The following MSI2 variants were observed in gnomAD, a reference collection of about 807,000 sequenced individuals.
MSI2 encodes musashi RNA binding protein 2, also known as RNA-binding protein Musashi homolog 2.
Under a neutral mutation model 45.6 loss-of-function variants are expected in MSI2, and 17 were observed. That is an observed-to-expected ratio of 0.37 (90% CI 0.26 to 0.56). The LOEUF (loss-of-function observed/expected upper bound fraction) is 0.56. MSI2 is among the 20% of genes least tolerant of loss of function. MSI2 has a pLI of 0.77. For synonymous variants in MSI2, 156 were observed against 158.2 expected, an observed-to-expected ratio of 0.99 and a Z score of 0.11; for missense variants, 293 against 444.2, an observed-to-expected ratio of 0.66 and a Z score of 3.06.
chr17:57,445,735 T>C lies in MSI2; in HGVS notation c.405+44264T>C, dbSNP rs1188231674. ...CATATATTAACATGCAACTAGTTTT[T>C]GTGAATTCATACCGAGTACTTACCA... is the stretch of plus-strand genomic sequence containing the variant. On this transcript the variant is annotated intron_variant, in intron 6 of 13. Coordinates refer to ENST00000284073, the MANE Select transcript of MSI2 (RefSeq NM_138962.4). Among the ~76,000 whole-genome samples, 3 of 152,170 alleles carry C rather than the reference T, an allele frequency of 2.0e-5. No homozygotes were observed. The East Asian group carries it at 5.8e-4, about 29-fold the overall frequency.
At chr17:57,315,678 A>C (rs1255958335) in intron 5 of MSI2, among the ~76,000 whole-genome samples, 1 of 152,132 alleles carries the variant, frequency 6.6e-6, no homozygotes. Flanking sequence ...ACAAACCCGA[A>C]CACCCAAACA....
intron 6 of MSI2, among the ~76,000 whole-genome samples, chr17:57,401,850 C>T (rs2083997902): frequency 6.6e-6 from 1 of 152,134 alleles, no homozygotes; most frequent in Admixed American, 6.5e-5. Flanking sequence ...CTGGGCTTCT[C>T]CCTTCTGTGC....
chr17:57,567,047 G>A (rs914359137), intron 7 of MSI2, among the ~76,000 whole-genome samples: 14 of 152,212 alleles, frequency 9.2e-5, no homozygotes, highest in African/African-American at 3.1e-4. Flanking sequence ...AGCTTGGGAG[G>A]TTTGGGGGAC....
intron 6 of MSI2, among the ~76,000 whole-genome samples, chr17:57,464,136 A>C (rs570935236): frequency 6.6e-6 from 1 of 152,092 alleles, no homozygotes; most frequent in Admixed American, 6.6e-5. Flanking sequence ...GAAGGAAAGA[A>C]GTGACCTGGA....
chr17:57,279,191 A>T (rs889128240), intron 5 of MSI2: 1 of 152,162 alleles, frequency 6.6e-6, no homozygotes, highest in African/African-American at 2.4e-5. Context: ...CCCAGAGGAG[A>T]CAGAATCAGA....
Position 57,627,211 on chromosome 17 carries a change from T to C in MSI2, c.653-18T>C, listed in dbSNP as rs372807660. On this transcript the variant is annotated intron_variant, in intron 9 of 13. Coordinates refer to ENST00000284073, the MANE Select transcript of MSI2 (RefSeq NM_138962.4). The surrounding 1 kb of genome is among the most constrained non-coding windows in gnomAD (Gnocchi z 4.6). The stretch of plus-strand genomic sequence containing the variant: ...CGGCTGTACTAACAGGACTCTGATC[T>C]TTCTCTTTGTGTTCAAGGATATCCC... The C allele has an allele frequency of 4.3e-6, 7 of 1,613,844 alleles. No individual in the cohort carries two copies. The highest frequency in any genetic ancestry group is 5.9e-6 in the Non-Finnish European group (7 of 1,179,686).
intron 6 of MSI2, among the ~76,000 whole-genome samples, chr17:57,469,878 A>G (rs1251156738): frequency 1.3e-5 from 2 of 152,196 alleles, no homozygotes; most frequent in Non-Finnish European, 2.9e-5. Flanking sequence ...TGCATGGCCC[A>G]CGGGCCCCTG....
chr17:57,293,438 C>A (rs1168677224), intron 5 of MSI2, among the ~76,000 whole-genome samples: 1 of 152,192 alleles, frequency 6.6e-6, no homozygotes, highest in Admixed American at 6.5e-5. Context: ...CTTCCTTCCA[C>A]CTCCGCCTCC....
intron 4 of MSI2, chr17:57,259,867 C>T (rs1432477480): frequency 2.0e-5 from 3 of 152,224 alleles, no homozygotes; most frequent in Non-Finnish European, 2.9e-5. Context: ...GGGTCATATT[C>T]CTCTGTATCA....
chr17:57,547,763 C>CAG (rs2087203879), intron 7 of MSI2, among the ~76,000 whole-genome samples: 2 of 151,046 alleles, frequency 1.3e-5, no homozygotes, highest in Non-Finnish European at 3.0e-5. Context: ...CACACACACA[C>CAG]ACACACACAC....
intron 5 of MSI2, among the ~76,000 whole-genome samples, chr17:57,301,557 G>A (rs1471291801): frequency 6.6e-6 from 1 of 152,190 alleles, no homozygotes; most frequent in East Asian, 1.9e-4. Flanking sequence ...ATTTGGGTTT[G>A]CCTGCTTTTC....
chr17:57,440,884 A>G (rs1160314194), intron 6 of MSI2: 2 of 152,002 alleles, frequency 1.3e-5, no homozygotes, highest in Non-Finnish European at 2.9e-5. Context: ...GACCTGGACT[A>G]TCTCTTTTTA....
At chr17:57,359,294 A>G (rs1193392970) in intron 5 of MSI2, among the ~76,000 whole-genome samples, 2 of 152,148 alleles carry the variant, frequency 1.3e-5, no homozygotes, top group African/African-American at 4.8e-5. Flanking sequence ...TTTATTTTTA[A>G]AATTTAATTT....
At chr17:57,574,828 C>CTTTTT (rs34704876) in intron 7 of MSI2, among the ~76,000 whole-genome samples, 1 of 128,398 alleles carries the variant, frequency 7.8e-6, no homozygotes, top group Admixed American at 8.1e-5. Context: ...CTCTCTCTCT[C>CTTTTT]TTTTTTTTTT....
intron 5 of MSI2, among the ~76,000 whole-genome samples, chr17:57,297,748 C>T (rs918464598): frequency 6.6e-6 from 1 of 152,336 alleles, no homozygotes; most frequent in East Asian, 1.9e-4. Flanking sequence ...TTTTCACCTA[C>T]TTTTAGGTAA....
At chr17:57,363,187 A>T (rs115297734) in intron 5 of MSI2, among the ~76,000 whole-genome samples, 1 of 152,224 alleles carries the variant, frequency 6.6e-6, no homozygotes, top group Non-Finnish European at 1.5e-5. Context: ...CTTGAAAAGG[A>T]AGGCAATTCC....
chr17:57,290,518 C>T (rs559628433), intron 5 of MSI2, among the ~76,000 whole-genome samples: 96 of 152,218 alleles, frequency 6.3e-4, no homozygotes, highest in Non-Finnish European at 1.0e-3. Flanking sequence ...GTTATGTTGC[C>T]CAGGTGGGGG....
At chr17:57,631,444 T>A in intron 10 of MSI2, 1 of 262,934 alleles carries the variant, frequency 3.8e-6, no homozygotes, top group Non-Finnish European at 7.2e-6. Flanking sequence ...GACATGGGGC[T>A]GCACGGACCT....
At chr17:57,304,579 C>T (rs911792152) in intron 5 of MSI2, among the ~76,000 whole-genome samples, 6 of 151,622 alleles carry the variant, frequency 4.0e-5, no homozygotes, top group South Asian at 2.1e-4. Context: ...CCTACCAGCA[C>T]GCCCAGCTAA....
Sources: allele counts gnomAD v4.1 joint callset (sites outside exome capture counted in the v4.1 genomes callset), GRCh38; gene constraint gnomAD v4.1.1; non-coding constraint Gnocchi (gnomAD v3.1); transcripts MANE v1.5; gene names NCBI Gene and HGNC (gene_info 2026-07-23, HGNC 2026-07-21).